The following PTP4A3 variants were observed in gnomAD, a reference collection of about 807,000 sequenced individuals.
PTP4A3 encodes the protein protein tyrosine phosphatase type IVA 3.
A neutral mutation model predicts 15.2 loss-of-function variants in PTP4A3; 9 were observed. The ratio of observed to expected loss-of-function variants is 0.59; its 90% CI spans 0.36 to 1.03. PTP4A3 has a LOEUF of 1.03. PTP4A3 is among the 50% of genes least tolerant of loss of function. The pLI is 0.02. For synonymous variants in PTP4A3, 95 were observed against 102.0 expected (o/e 0.93, Z 0.41); for missense variants, 234 against 252.1 (o/e 0.93, Z 0.49).
At chr8:141,411,664 G>T (rs1165471645) in intron 1 of PTP4A3, among the ~76,000 whole-genome samples, 1 of 152,204 alleles carries the variant, frequency 6.6e-6, no homozygotes, top group Non-Finnish European at 1.5e-5. Flanking sequence ...CTTTCCCGCG[G>T]TTCCTCAGGC....
At chr8:141,419,048 C>T (rs1833196258) in intron 1 of PTP4A3, among the ~76,000 whole-genome samples, 1 of 152,152 alleles carries the variant, frequency 6.6e-6, no homozygotes, top group African/African-American at 2.4e-5. Context: ...GGACCCCTAA[C>T]CCCATTCTAG....
At chr8:141,402,505 A>G (rs1038129944) in intron 1 of PTP4A3, among the ~76,000 whole-genome samples, 1 of 152,132 alleles carries the variant, frequency 6.6e-6, no homozygotes, top group Non-Finnish European at 1.5e-5. Context: ...AGCAGGGACT[A>G]CCTGGCCCTA....
chr8:141,410,717 A>G (rs1389557109), intron 1 of PTP4A3, among the ~76,000 whole-genome samples: 1 of 152,160 alleles, frequency 6.6e-6, no homozygotes, highest in Non-Finnish European at 1.5e-5. Context: ...AGATGAGCAC[A>G]CTGAGGCACA....
chr8:141,400,392 A>G (rs1454618057), intron 1 of PTP4A3, among the ~76,000 whole-genome samples: 4 of 152,264 alleles, frequency 2.6e-5, no homozygotes, highest in Non-Finnish European at 5.9e-5. Flanking sequence ...ACACGGCTGC[A>G]GTAGCTCTGG....
At chr8:141,421,044 CCACAGAGGGATCTGTCAT>C (rs1244809044) in intron 1 of PTP4A3, among the ~76,000 whole-genome samples, 2 of 152,196 alleles carry the variant, frequency 1.3e-5, no homozygotes, top group Non-Finnish European at 2.9e-5. Context: ...GCCTCTGTCC[CCACAGAGGGATCTGTCAT>C]CTGTGTGCTG....
At chr8:141,410,092 C>T (rs563136534) in intron 1 of PTP4A3, among the ~76,000 whole-genome samples, 44 of 152,266 alleles carry the variant, frequency 2.9e-4, no homozygotes, top group Middle Eastern at 6.8e-3. Context: ...GGACGGTCAC[C>T]GCGGTCACAG....
intron 1 of PTP4A3, among the ~76,000 whole-genome samples, chr8:141,394,809 G>A (rs1832397616): frequency 6.6e-6 from 1 of 152,294 alleles, no homozygotes. Context: ...ACAGTTCAGA[G>A]TTGGGTGGGA....
chr8:141,428,494 G>A (rs531578218), intron 5 of PTP4A3, among the ~76,000 whole-genome samples: 3 of 152,322 alleles, frequency 2.0e-5, no homozygotes, highest in Non-Finnish European at 2.9e-5. Context: ...GTGTGTGCCC[G>A]TGAGTGTGAC....
chr8:141,410,085 C>G (rs879635315), intron 1 of PTP4A3, among the ~76,000 whole-genome samples: 5 of 152,202 alleles, frequency 3.3e-5, no homozygotes, highest in South Asian at 2.1e-4. Flanking sequence ...CTGCTGCGGA[C>G]GGTCACCGCG....
chr8:141,423,311 C>T lies in PTP4A3; in HGVS notation c.105+966C>T, dbSNP rs572206631. Among the ~76,000 whole-genome samples the T allele has an allele frequency of 9.2e-4, 140 of 152,318 alleles. 1 individual carries two copies. Among genetic ancestry groups the T allele is most frequent in the African/African-American group, 3.3e-3 (137 of 41,578 alleles). Reference sequence around the variant, plus strand: ...CTCGCAGCTGAGACCCCTGAGATAACAGCAGCATCTACAGAAAGATTGGCG... The same window carrying T: ...CTCGCAGCTGAGACCCCTGAGATAATAGCAGCATCTACAGAAAGATTGGCG... On this transcript the variant is annotated intron_variant, in intron 2 of 5. Transcript: ENST00000521578.
Position 141,422,211 on chromosome 8 carries a change from T to A in PTP4A3, c.-30T>A. 6.2e-7 allele frequency: 1 copy of A among 1,611,438 alleles called. No homozygotes were observed. The highest frequency in any genetic ancestry group is 8.5e-7 in the Non-Finnish European group (1 of 1,178,802). On this transcript the variant is annotated 5_prime_UTR_variant, in exon 2 of 6. Coordinates refer to ENST00000521578, the MANE Select transcript of PTP4A3 (RefSeq NM_032611.3). ...GTCCCCAGCCTTCTCTGCAGTCCCT[T>A]CTGCCCTGCCGGGCCCGTCGGGAGG...
Position 141,421,880 on chromosome 8 carries a change from T to G in PTP4A3, c.-361T>G. ...AGTTTTCTTTGCTGAGCTTTTTTGG[T>G]TGTTCTTTTTATTTTTTGCCTCTTT... On this transcript the variant is annotated 5_prime_UTR_variant, in exon 2 of 6. Coordinates refer to ENST00000521578, the MANE Select transcript of PTP4A3 (RefSeq NM_032611.3). 9.6e-6 allele frequency: 2 copies of G among 209,082 alleles called. No homozygotes were observed. Among genetic ancestry groups the G allele is most frequent in the Non-Finnish European group, 1.9e-5 (2 of 105,762 alleles). 13.0% of individuals were successfully genotyped at this position (209,082 alleles called of 1,614,324 possible).
At chr8:141,417,850 G>T (rs973586620) in intron 1 of PTP4A3, among the ~76,000 whole-genome samples, 1 of 151,984 alleles carries the variant, frequency 6.6e-6, no homozygotes, top group Non-Finnish European at 1.5e-5. Context: ...GTCGCCCGCC[G>T]GTCACGCCCC....
At chr8:141,408,530 A>T (rs1832787952) in intron 1 of PTP4A3, among the ~76,000 whole-genome samples, 1 of 151,768 alleles carries the variant, frequency 6.6e-6, no homozygotes, top group Admixed American at 6.6e-5. Context: ...GAGGCAGGAG[A>T]ATTGCTTGAA....
intron 1 of PTP4A3, among the ~76,000 whole-genome samples, chr8:141,404,456 C>T (rs971180596): frequency 6.6e-6 from 1 of 152,220 alleles, no homozygotes; most frequent in African/African-American, 2.4e-5. Flanking sequence ...GTCCTGGGGT[C>T]TCTGGCCCCC....
At chr8:141,415,194 G>A (rs1407430703) in intron 1 of PTP4A3, among the ~76,000 whole-genome samples, 13 of 152,236 alleles carry the variant, frequency 8.5e-5, no homozygotes, top group African/African-American at 3.1e-4. Context: ...AGGTGGAAGT[G>A]GTGGGGATGC....
At chr8:141,417,290 A>G (rs55910461) in intron 1 of PTP4A3, among the ~76,000 whole-genome samples, 35,748 of 152,050 alleles carry the variant, frequency 0.24, 4,955 homozygotes, top group African/African-American at 0.39. Context: ...GTACGCTAGG[A>G]GAGACCAGCG....
intron 1 of PTP4A3, among the ~76,000 whole-genome samples, chr8:141,396,381 G>C (rs913521197): frequency 6.6e-6 from 1 of 152,158 alleles, no homozygotes; most frequent in African/African-American, 2.4e-5. Flanking sequence ...CCTCCTTTTT[G>C]GGGAAAGGTC....
rs919005244 is a variant in PTP4A3 at position 141,410,502 on chromosome 8, G to A, written c.-853-10886G>A. On this transcript the variant is annotated intron_variant, in intron 1 of 5. Coordinates refer to ENST00000521578, the MANE Select transcript of PTP4A3 (RefSeq NM_032611.3). ...GAACTGTGGTCTTCTTGGGGCGCTC[G>A]GTGTCCTCACAGCCCCTGTGGGTAC... 1.4e-4 allele frequency among the ~76,000 whole-genome samples: 21 copies of A among 152,338 alleles called. No individual in the cohort carries two copies. In the East Asian group the frequency reaches 3.3e-3, roughly 24 times the overall value.
Sources: allele counts gnomAD v4.1 joint callset (sites outside exome capture counted in the v4.1 genomes callset), GRCh38; gene constraint gnomAD v4.1.1; transcripts MANE v1.5; gene names NCBI Gene and HGNC (gene_info 2026-07-23, HGNC 2026-07-21).